DZANK1: variants seen among roughly 807,000 people sequenced by gnomAD.
DZANK1 encodes double zinc ribbon and ankyrin repeat-containing protein 1.
DZANK1 carries 91 observed loss-of-function variants against 94.5 expected under a neutral mutation model. The ratio of observed to expected loss-of-function variants is 0.96; its 90% CI spans 0.81 to 1.15. The LOEUF (loss-of-function observed/expected upper bound fraction) is 1.15. DZANK1 is among the 50% of genes most tolerant of loss of function. The probability of loss-of-function intolerance (pLI) is 0.00; values close to 1 mark genes in which losing one functional copy is unlikely to be tolerated. For missense variants in DZANK1, 903 were observed against 916.4 expected (o/e 0.99, Z 0.19); for synonymous variants, 312 against 325.3 (o/e 0.96, Z 0.44).
chr20:18,448,338 A>G (rs1440727468), intron 7 of DZANK1, among the ~76,000 whole-genome samples: 2 of 152,208 alleles, frequency 1.3e-5, no homozygotes, highest in African/African-American at 4.8e-5. Flanking sequence ...ATGCAAGTTA[A>G]ACTATAGTGA....
At chr20:18,432,796 T>C (rs2058336081) in intron 9 of DZANK1, 2 of 152,218 alleles carry the variant, frequency 1.3e-5, no homozygotes, top group Admixed American at 1.3e-4. Flanking sequence ...AAAGAGGAAG[T>C]AAATGGGACT....
chr20:18,400,013 A>C (rs1218765750), intron 13 of DZANK1, among the ~76,000 whole-genome samples: 1 of 152,202 alleles, frequency 6.6e-6, no homozygotes, highest in Non-Finnish European at 1.5e-5. Context: ...TTAAATCCTA[A>C]ATCTACCATT....
exon 17 of DZANK1, chr20:18,393,804 G>C (rs2056159710): frequency 6.2e-7 from 1 of 1,608,974 alleles, no homozygotes; most frequent in African/African-American, 1.3e-5. Context: ...TCTGGCTGTA[G>C]TCACTCACTG....
intron 11 of DZANK1, 134 bp from the exon 12 acceptor site, chr20:18,414,646 G>A (rs1178839823): frequency 1.9e-6 from 2 of 1,074,034 alleles, no homozygotes; most frequent in East Asian, 5.2e-5. Context: ...TTATCCTACA[G>A]ATGGACAAGT....
intron 6 of DZANK1, chr20:18,451,991 A>G (rs749288064): frequency 2.0e-6 from 1 of 511,626 alleles, no homozygotes; most frequent in Non-Finnish European, 3.9e-6. Context: ...TTACAATTAG[A>G]ATAGAATTCA....
chr20:18,402,827 G>A (rs1484905495), intron 13 of DZANK1, among the ~76,000 whole-genome samples: 1 of 152,176 alleles, frequency 6.6e-6, no homozygotes, highest in Non-Finnish European at 1.5e-5. Flanking sequence ...ATTTGCCACT[G>A]CAAACAAAAC....
exon 14 of DZANK1, chr20:18,398,551 G>T: frequency 6.2e-7 from 1 of 1,613,946 alleles, no homozygotes; most frequent in Non-Finnish European, 8.5e-7. Context: ...TGCAATCAAG[G>T]CCCGGAATTC....
At chr20:18,456,717 G>A (rs2059306441) in intron 3 of DZANK1, among the ~76,000 whole-genome samples, 2 of 150,896 alleles carry the variant, frequency 1.3e-5, no homozygotes, top group South Asian at 4.2e-4. Context: ...TTTTTTTTTG[G>A]AGACTCATCT....
intron 3 of DZANK1, among the ~76,000 whole-genome samples, chr20:18,459,561 T>G (rs938427150): frequency 1.7e-4 from 26 of 150,768 alleles, no homozygotes; most frequent in Middle Eastern, 3.4e-3. Context: ...GGATTTGAGG[T>G]TTTTTTTTGT....
chr20:18,407,943 C>T (rs544648532), intron 13 of DZANK1, among the ~76,000 whole-genome samples: 2 of 152,164 alleles, frequency 1.3e-5, no homozygotes, highest in Admixed American at 1.3e-4. Flanking sequence ...TAGAAAATAG[C>T]CTCAAAAGGG....
chr20:18,423,374 T>C (rs2057885077), intron 10 of DZANK1, among the ~76,000 whole-genome samples: 1 of 152,234 alleles, frequency 6.6e-6, no homozygotes, highest in South Asian at 2.1e-4. Flanking sequence ...TGTACAAGTC[T>C]TTCACTTCCT....
intron 13 of DZANK1, among the ~76,000 whole-genome samples, chr20:18,410,709 G>C (rs1208618012): frequency 6.6e-6 from 1 of 152,210 alleles, no homozygotes; most frequent in Non-Finnish European, 1.5e-5. Context: ...CACTCTGGAA[G>C]GCTAAGGTGG....
Position 18,443,590 on chromosome 20 carries a change from T to C in DZANK1, c.630-126A>G, listed in dbSNP as rs187847037. 610 of 559,534 alleles carry C rather than the reference T, an allele frequency of 1.1e-3. 2 individuals are homozygous for C. Among genetic ancestry groups the C allele is most frequent in the Non-Finnish European group, 1.2e-3 (377 of 316,808 alleles). 34.7% of individuals were successfully genotyped at this position (559,534 alleles called of 1,614,324 possible). A position where few individuals can be genotyped will look rare whatever the true frequency, so the allele number is the denominator to read the frequency against. ...AAAAGCAGACTGCTCTCAATGGCTA[T>C]GGAACAAGTTCAAGACAGGAAATAC... On this transcript the variant is annotated intron_variant, in intron 7 of 20. Transcript: ENST00000262547.
rs117574330 is a variant in DZANK1 at position 18,458,818 on chromosome 20, C to A, written c.263+1335G>T. On this transcript the variant is annotated intron_variant, in intron 3 of 20. Coordinates refer to ENST00000262547, the Ensembl canonical transcript of DZANK1. ...TGGCTCATATCCACCTATTCTACCC[C>A]CTAAGATCCAGGTTGTTTCCCCCAC... is the stretch of plus-strand genomic sequence containing the variant. 2.4e-4 allele frequency among the ~76,000 whole-genome samples: 37 copies of A among 152,314 alleles called. 1 individual carries two copies. The South Asian group carries it at 6.8e-3, about 28-fold the overall frequency.
chr20:18,443,539 C>T (rs886235513), intron 7 of DZANK1, 75 bp from the exon 8 acceptor site: 17 of 841,502 alleles, frequency 2.0e-5, no homozygotes, highest in Middle Eastern at 2.3e-4. Flanking sequence ...AATCTAAAAG[C>T]GGTCAAACAG....
At chr20:18,420,656 T>A (rs975842184) in intron 10 of DZANK1, 1 of 195,062 alleles carries the variant, frequency 5.1e-6, no homozygotes, top group African/African-American at 2.3e-5. Flanking sequence ...ATGTGTCAGC[T>A]TTCCATTAAT....
chr20:18,452,002 A>G (rs1381824146), intron 6 of DZANK1: 3 of 507,518 alleles, frequency 5.9e-6, no homozygotes, highest in Non-Finnish European at 1.2e-5. Context: ...ATAGAATTCA[A>G]ACTTCTTACG....
chr20:18,394,580 C>A, intron 15 of DZANK1: 1 of 683,808 alleles, frequency 1.5e-6, no homozygotes, highest in East Asian at 2.9e-5. Context: ...CTCTCCCTCC[C>A]TGAAGCCCCA....
intron 13 of DZANK1, among the ~76,000 whole-genome samples, chr20:18,407,224 C>A (rs747184503): frequency 3.3e-5 from 5 of 152,174 alleles, no homozygotes; most frequent in Non-Finnish European, 5.9e-5. Flanking sequence ...GGAGTGCTTG[C>A]ATCACCATAC....
Sources: gnomAD v4.1 joint callset for allele counts (sites outside exome capture counted in the v4.1 genomes callset) on GRCh38, gnomAD v4.1.1 for gene constraint, MANE v1.5 for transcripts, NCBI Gene and HGNC (gene_info 2026-07-23, HGNC 2026-07-21) for gene names.